The following SRGAP3 variants were observed in gnomAD, a reference collection of about 807,000 sequenced individuals.
The protein encoded by SRGAP3 is SLIT-ROBO Rho GTPase-activating protein 3.
A neutral mutation model predicts 121.1 loss-of-function variants in SRGAP3; 39 were observed. The observed-to-expected ratio is 0.32, with a 90% CI of 0.25 to 0.42. SRGAP3 has a LOEUF of 0.42. SRGAP3 is among the 10% of genes least tolerant of loss of function. The pLI is 1.00. For missense variants in SRGAP3, 1,213 were observed against 1,470.6 expected, an observed-to-expected ratio of 0.82 and a Z score of 2.86; for synonymous variants, 601 against 570.0, an observed-to-expected ratio of 1.05 and a Z score of -0.77.
At chr3:9,187,830 C>A (rs1162710742) in intron 1 of SRGAP3, among the ~76,000 whole-genome samples, 4 of 152,214 alleles carry the variant, frequency 2.6e-5, no homozygotes, top group African/African-American at 7.2e-5. Context: ...GTGACTTATA[C>A]CCGTCAGAGA....
At chr3:9,169,731 C>T (rs1242353082) in intron 1 of SRGAP3, among the ~76,000 whole-genome samples, 2 of 152,232 alleles carry the variant, frequency 1.3e-5, no homozygotes, top group Non-Finnish European at 2.9e-5. Context: ...CCACATTTCT[C>T]AGGTTACTCC....
chr3:9,046,798 A>G (rs187710410), intron 10 of SRGAP3, among the ~76,000 whole-genome samples: 2 of 150,706 alleles, frequency 1.3e-5, no homozygotes, highest in African/African-American at 4.9e-5. Context: ...GCCAACCTAA[A>G]CTAAGACTTG....
chr3:9,225,448 G>T (rs76521664), intron 1 of SRGAP3, among the ~76,000 whole-genome samples: 4,916 of 152,234 alleles, frequency 0.032, 103 homozygotes, highest in Non-Finnish European at 0.049. Context: ...GAAGACTTGG[G>T]TCATTATAAG....
chr3:9,018,014 C>A (rs146022544), intron 14 of SRGAP3, among the ~76,000 whole-genome samples: 5 of 152,340 alleles, frequency 3.3e-5, no homozygotes, highest in Non-Finnish European at 7.3e-5. Context: ...TCCACTCCCA[C>A]TCACCCTTCC....
chr3:9,243,121 A>C (rs899513244), intron 1 of SRGAP3, among the ~76,000 whole-genome samples: 3 of 152,222 alleles, frequency 2.0e-5, no homozygotes, highest in Admixed American at 1.3e-4. Flanking sequence ...ATTTCAATTA[A>C]GGATTATAAG....
intron 1 of SRGAP3, among the ~76,000 whole-genome samples, chr3:9,165,580 C>T (rs1950757803): frequency 6.6e-6 from 1 of 152,192 alleles, no homozygotes; most frequent in African/African-American, 2.4e-5. Flanking sequence ...CTGCTTAAAA[C>T]CCATCTGTGA....
intron 1 of SRGAP3, among the ~76,000 whole-genome samples, chr3:9,358,759 C>T (rs905360576): frequency 6.6e-6 from 1 of 152,126 alleles, no homozygotes; most frequent in Non-Finnish European, 1.5e-5. Flanking sequence ...TGGAGCGGCT[C>T]ACAGAACCCA....
chr3:9,005,788 A>G (rs988216156), intron 18 of SRGAP3, among the ~76,000 whole-genome samples: 3 of 152,136 alleles, frequency 2.0e-5, no homozygotes, highest in Non-Finnish European at 4.4e-5. Context: ...GGAGGGCGTA[A>G]GGAGTGATAG....
At chr3:9,063,158 G>T (rs868404534) in intron 5 of SRGAP3, among the ~76,000 whole-genome samples, 50 of 134,658 alleles carry the variant, frequency 3.7e-4, no homozygotes, top group African/African-American at 1.4e-3. Context: ...TTTGAGACAG[G>T]GTCTTACTCT....
intron 1 of SRGAP3, among the ~76,000 whole-genome samples, chr3:9,132,351 T>C (rs1377401884): frequency 5.3e-5 from 8 of 152,192 alleles, no homozygotes; most frequent in Admixed American, 5.2e-4. Flanking sequence ...ACCATTACAG[T>C]ATCATACAGA....
chr3:9,249,759 T>G (rs899992627), upstream of SRGAP3: 1 of 216,432 alleles, frequency 4.6e-6, no homozygotes, highest in Non-Finnish European at 9.3e-6. Flanking sequence ...CAGAACTCAC[T>G]GCAAGCAAAA....
chr3:9,326,630 A>G (rs968071373), intron 2 of SRGAP3, among the ~76,000 whole-genome samples: 2 of 151,756 alleles, frequency 1.3e-5, no homozygotes, highest in Non-Finnish European at 2.9e-5. Context: ...TGCTTCTCCA[A>G]TTTAGGTGCA....
intron 1 of SRGAP3, among the ~76,000 whole-genome samples, chr3:9,347,751 T>C (rs1955933231): frequency 6.6e-6 from 1 of 152,212 alleles, no homozygotes; most frequent in South Asian, 2.1e-4. Context: ...TTAAAATGTA[T>C]GGGATTTACC....
chr3:9,206,568 C>T (rs1410635205), intron 1 of SRGAP3, among the ~76,000 whole-genome samples: 1 of 152,206 alleles, frequency 6.6e-6, no homozygotes, highest in African/African-American at 2.4e-5. Flanking sequence ...TGATGGTGCT[C>T]CTGCCACAGC....
intron 1 of SRGAP3, among the ~76,000 whole-genome samples, chr3:9,350,422 C>A (rs1408032225): frequency 6.6e-6 from 1 of 152,078 alleles, no homozygotes; most frequent in Non-Finnish European, 1.5e-5. Flanking sequence ...GAGGGGAATG[C>A]AAAGGAGAAG....
At chr3:9,248,101 C>A (rs183152583) in intron 1 of SRGAP3, among the ~76,000 whole-genome samples, 49 of 152,260 alleles carry the variant, frequency 3.2e-4, no homozygotes, top group African/African-American at 1.1e-3. Context: ...CAGAGGTCAT[C>A]TCGCCCTCCC....
intron 4 of SRGAP3, among the ~76,000 whole-genome samples, chr3:9,072,894 C>A (rs1025483270): frequency 2.6e-5 from 4 of 152,216 alleles, no homozygotes; most frequent in African/African-American, 9.6e-5. Flanking sequence ...GTTTACTGTA[C>A]TGTTCTTCAC....
At chr3:9,193,379 C>T (rs1198753458) in intron 1 of SRGAP3, 2 of 152,388 alleles carry the variant, frequency 1.3e-5, no homozygotes, top group Non-Finnish European at 2.9e-5. Flanking sequence ...TAAAAGCCAC[C>T]GAAAAGTGTG....
intron 15 of SRGAP3, among the ~76,000 whole-genome samples, chr3:9,015,239 G>A (rs1057218163): frequency 1.3e-5 from 2 of 152,098 alleles, no homozygotes; most frequent in Non-Finnish European, 2.9e-5. Flanking sequence ...TGCACAGGCT[G>A]GGACACCCTC....
Sources: gnomAD v4.1 joint callset for allele counts (sites outside exome capture counted in the v4.1 genomes callset) on GRCh38, gnomAD v4.1.1 for gene constraint, MANE v1.5 for transcripts, NCBI Gene and HGNC (gene_info 2026-07-23, HGNC 2026-07-21) for gene names.